The following KDM2A variants were observed in gnomAD, a reference collection of about 807,000 sequenced individuals.
The protein encoded by KDM2A is lysine demethylase 2A, also known as lysine-specific demethylase 2A.
Under a neutral mutation model 137.3 loss-of-function variants are expected in KDM2A, and 3 were observed. That is an observed-to-expected ratio of 0.02 (90% CI 0.01 to 0.06). KDM2A has a LOEUF of 0.06. Among genes scored for constraint, KDM2A ranks in the 10% least tolerant of loss-of-function variants. KDM2A has a pLI of 1.00. For missense variants in KDM2A, 738 were observed against 1,510.6 expected, an observed-to-expected ratio of 0.49 and a Z score of 8.48; for synonymous variants, 512 against 541.5, an observed-to-expected ratio of 0.95 and a Z score of 0.76.
At chr11:67,236,705 T>C (rs1483650100) in intron 12 of KDM2A, among the ~76,000 whole-genome samples, 3 of 152,074 alleles carry the variant, frequency 2.0e-5, no homozygotes, top group African/African-American at 7.3e-5. Flanking sequence ...AAAATATCTG[T>C]GAGATTGTTG....
intron 2 of KDM2A, among the ~76,000 whole-genome samples, chr11:67,167,518 G>A (rs1856773337): frequency 6.6e-6 from 1 of 151,876 alleles, no homozygotes; most frequent in Non-Finnish European, 1.5e-5. Context: ...GTTCTTGGGG[G>A]AACTTTTTAG....
At chr11:67,172,616 T>TTTG (rs904233755) in intron 2 of KDM2A, among the ~76,000 whole-genome samples, 10 of 146,422 alleles carry the variant, frequency 6.8e-5, no homozygotes, top group African/African-American at 2.3e-4. Flanking sequence ...GCTCTTATAG[T>TTTG]TGTGTGTGTG....
At chr11:67,233,145 T>G (rs11227745) in intron 12 of KDM2A, among the ~76,000 whole-genome samples, 4,626 of 152,214 alleles carry the variant, frequency 0.03, 105 homozygotes, top group African/African-American at 0.065. Context: ...GGTATGTATA[T>G]TAGAAAGCTA....
chr11:67,204,461 G>T (rs1343769510), intron 5 of KDM2A, among the ~76,000 whole-genome samples: 1 of 150,846 alleles, frequency 6.6e-6, no homozygotes, highest in Non-Finnish European at 1.5e-5. Context: ...AGCCTTTTGT[G>T]TAGGCTTCTT....
chr11:67,213,474 C>T (rs1858057069), intron 6 of KDM2A, among the ~76,000 whole-genome samples: 1 of 151,798 alleles, frequency 6.6e-6, no homozygotes, highest in Non-Finnish European at 1.5e-5. Context: ...TTAAAAGATT[C>T]CTGGCCGGGC....
At chr11:67,233,558 A>G in intron 12 of KDM2A, among the ~76,000 whole-genome samples, 1 of 108,868 alleles carries the variant, frequency 9.2e-6, no homozygotes. Context: ...AGGCTGAGGC[A>G]GGAGAATCCC....
intron 10 of KDM2A, among the ~76,000 whole-genome samples, chr11:67,221,156 A>G (rs1858333908): frequency 6.6e-6 from 1 of 152,194 alleles, no homozygotes; most frequent in Non-Finnish European, 1.5e-5. Context: ...GCAGAATTCT[A>G]ATTGGTAAGG....
intron 2 of KDM2A, among the ~76,000 whole-genome samples, chr11:67,147,182 G>A (rs1856270082): frequency 6.6e-6 from 1 of 152,062 alleles, no homozygotes; most frequent in African/African-American, 2.4e-5. Flanking sequence ...AAATACGCCT[G>A]TTTGTATTTC....
At chr11:67,162,533 T>C (rs995560762) in intron 2 of KDM2A, among the ~76,000 whole-genome samples, 1 of 152,024 alleles carries the variant, frequency 6.6e-6, no homozygotes, top group Non-Finnish European at 1.5e-5. Context: ...GCCTCCCAAG[T>C]AGCTGGCATT....
At chr11:67,207,258 G>T (rs765890930) in intron 5 of KDM2A, among the ~76,000 whole-genome samples, 6 of 152,114 alleles carry the variant, frequency 3.9e-5, no homozygotes, top group Non-Finnish European at 5.9e-5. Context: ...GATTAAATGA[G>T]ACATTAGATA....
chr11:67,200,090 T>C (rs1477280611), intron 5 of KDM2A, among the ~76,000 whole-genome samples: 3 of 152,230 alleles, frequency 2.0e-5, no homozygotes, highest in Non-Finnish European at 4.4e-5. Context: ...CTGAATTTAT[T>C]AAGCCCACTG....
rs148391343 is a variant in KDM2A at position 67,254,104 on chromosome 11, A to G, written c.3092-99A>G. 2.1e-4 allele frequency: 236 copies of G among 1,097,872 alleles called. No individual in the cohort carries two copies. In the African/African-American group the frequency reaches 2.9e-3, roughly 13 times the overall value. The allele number at this position is 1,097,872 out of a possible 1,614,324, so 68.0% of individuals were successfully genotyped here. On this transcript the variant is annotated intron_variant, in intron 19 of 20. Coordinates refer to ENST00000529006, the MANE Select transcript of KDM2A (RefSeq NM_012308.3). The surrounding 1 kb of genome is among the most constrained non-coding windows in gnomAD (Gnocchi z 4.7). ...GTGGGCAGTTCTACTTAACCCCTTC[A>G]AGGGGGCCTGGCCAGCAAGTAGCTG...
Position 67,250,688 on chromosome 11 carries a change from G to C in KDM2A, c.2658G>C (p.Gln886His). The C allele has an allele frequency of 6.3e-7, 1 of 1,598,220 alleles. No homozygotes were observed. ...TGAATGGCCGGGGCAGTTGGGCTCA[G>C]GATGGAGACGAAAGCTGGATGCAGC... The part of the protein sequence containing the change: ...ARLNGRGSWA[Q>H]DGDESWMQRE... Residue 886 changes from glutamine (Q) to histidine (H), a missense_variant, in exon 17 of 21, where the codon CAG (glutamine) becomes CAC (histidine). Gln to His is a conservative substitution (Grantham distance 24). This residue lies in a region of KDM2A where 244 missense variants were observed against 324.6 expected (regional missense o/e 0.75). Transcript: ENST00000529006. The surrounding 1 kb of genome is among the most constrained non-coding windows in gnomAD (Gnocchi z 7.1).
chr11:67,255,112 G>A lies in KDM2A; in HGVS notation c.*57G>A, dbSNP rs1184687356. On this transcript the variant is annotated 3_prime_UTR_variant, in exon 21 of 21. Coordinates refer to ENST00000529006, the MANE Select transcript of KDM2A (RefSeq NM_012308.3). ...GATCTTCCCCTGACTCCCCACCGAG[G>A]AGAGCCTCTCCTCGACCCTGCACGG... The A allele has an allele frequency of 1.3e-6, 2 of 1,511,584 alleles. No individual in the cohort carries two copies. The highest frequency in any genetic ancestry group is 1.8e-6 in the Non-Finnish European group (2 of 1,113,658). 93.6% of individuals were successfully genotyped at this position (1,511,584 alleles called of 1,614,324 possible). A position where few individuals can be genotyped will look rare whatever the true frequency, so the allele number is the denominator to read the frequency against.
At chr11:67,167,178 G>A (rs182775703) in intron 2 of KDM2A, among the ~76,000 whole-genome samples, 215 of 152,294 alleles carry the variant, frequency 1.4e-3, no homozygotes, top group Admixed American at 3.2e-3. Flanking sequence ...GAAAAACCAA[G>A]AATGTGCCTT....
chr11:67,226,270 T>G (rs1274922915), intron 10 of KDM2A, among the ~76,000 whole-genome samples: 1 of 151,368 alleles, frequency 6.6e-6, no homozygotes, highest in East Asian at 1.9e-4. Flanking sequence ...AAAAAAATAA[T>G]AATATATCAT....
chr11:67,127,898 G>T (rs1431064244), intron 2 of KDM2A, among the ~76,000 whole-genome samples: 2 of 151,360 alleles, frequency 1.3e-5, no homozygotes, highest in Admixed American at 1.3e-4. Flanking sequence ...TAGAGACGGG[G>T]TTTCACCATG....
In KDM2A at chr11:67,255,596, A is replaced by G. The variant is rs532381617; in HGVS notation, c.*541A>G. ...TGCCGATCACACTGGTGCTGTTGAG[A>G]TCTCCCAAACCTCACGTCCTTAACT... On this transcript the variant is annotated 3_prime_UTR_variant, in exon 21 of 21. Transcript: ENST00000529006. The G allele has an allele frequency of 1.8e-5, 8 of 456,214 alleles. No homozygotes were observed. The highest frequency in any genetic ancestry group is 1.1e-4 in the South Asian group (7 of 64,522). The allele number at this position is 456,214 out of a possible 1,614,324, so 28.3% of individuals were successfully genotyped here. A position where few individuals can be genotyped will look rare whatever the true frequency, so the allele number is the denominator to read the frequency against.
At chr11:67,237,676 G>A (rs1049586781) in intron 12 of KDM2A, among the ~76,000 whole-genome samples, 1 of 151,984 alleles carries the variant, frequency 6.6e-6, no homozygotes, top group Non-Finnish European at 1.5e-5. Context: ...GGCCAGATGT[G>A]TTAGCTCATG....
Sources: gnomAD v4.1 joint callset for allele counts (sites outside exome capture counted in the v4.1 genomes callset) on GRCh38, gnomAD v4.1.1 for gene constraint, gnomAD v4.1.1 regional missense constraint, Gnocchi (gnomAD v3.1) non-coding constraint, MANE v1.5 for transcripts, NCBI Gene and HGNC (gene_info 2026-07-23, HGNC 2026-07-21) for gene names.